KRT7: variants seen among roughly 807,000 people sequenced by gnomAD.
KRT7 encodes keratin 7, also known as keratin, type II cytoskeletal 7.
Under a neutral mutation model 42.8 loss-of-function variants are expected in KRT7, and 50 were observed. The ratio of observed to expected loss-of-function variants is 1.17; its 90% CI spans 0.93 to 1.48. The LOEUF (loss-of-function observed/expected upper bound fraction) is 1.48, where lower values mean the gene tolerates loss of function less well. KRT7 is among the 40% of genes most tolerant of loss of function. The pLI is 0.00. For synonymous variants in KRT7, 268 were observed against 266.3 expected, an observed-to-expected ratio of 1.01 and a Z score of -0.06; for missense variants, 588 against 637.6, an observed-to-expected ratio of 0.92 and a Z score of 0.84.
intron 7 of KRT7, chr12:52,247,764 C>T (rs1170568376): frequency 1.4e-5 from 3 of 210,230 alleles, no homozygotes; most frequent in African/African-American, 6.9e-5. Flanking sequence ...CAATAGGCCA[C>T]AGACACCTTT....
intron 7 of KRT7, 51 bp from the exon 8 acceptor site, chr12:52,248,125 TC>T: frequency 1.3e-6 from 2 of 1,576,036 alleles, no homozygotes; most frequent in Non-Finnish European, 1.7e-6. Flanking sequence ...TGAGAGCGCT[TC>T]CCTCCCACGC....
chr12:52,252,030 C>A (rs1441586078), downstream of KRT7: 4 of 711,402 alleles, frequency 5.6e-6, no homozygotes, highest in African/African-American at 7.0e-5. Context: ...TACTTACAGA[C>A]ATTTACAGCA....
chr12:52,237,753 TG>T, intron 3 of KRT7, 184 bp downstream of exon 3: 2 of 477,218 alleles, frequency 4.2e-6, no homozygotes, highest in Non-Finnish European at 7.4e-6. Flanking sequence ...TGTGTGTGTG[TG>T]TGTGTGTGGT....
downstream of KRT7, among the ~76,000 whole-genome samples, chr12:52,251,542 T>C (rs760014511): frequency 6.6e-6 from 1 of 152,236 alleles, no homozygotes; most frequent in African/African-American, 2.4e-5. Flanking sequence ...AAGCTACAAA[T>C]CTGTACAGCA....
rs1942156336 is a variant in KRT7, at chr12:52,245,562, A to T, written c.1135A>T (p.Met379Leu). The T allele has an allele frequency of 6.2e-7, 1 of 1,614,050 alleles. No individual in the cohort carries two copies. Among genetic ancestry groups the T allele is most frequent in the African/African-American group, 1.3e-5 (1 of 74,962 alleles). The change falls in exon 7 of 9, where the codon ATG becomes TTG. Residue 379 changes from methionine to leucine, a missense_variant. Met to Leu is a conservative substitution (Grantham distance 15). Transcript: ENST00000331817. Reference sequence around the variant, plus strand: ...GCAGCTGCGTGAGTACCAGGAACTCATGAGCGTGAAGCTGGCCCTGGACAT... The same window carrying T: ...GCAGCTGCGTGAGTACCAGGAACTCTTGAGCGTGAAGCTGGCCCTGGACAT... ...ARQLREYQELMSVKLALDIEI... is the reference protein window; with the variant it reads ...ARQLREYQELLSVKLALDIEI...
chr12:52,248,948 G>T (rs1332214253), downstream of KRT7: 2 of 501,416 alleles, frequency 4.0e-6, no homozygotes, highest in African/African-American at 4.0e-5. Context: ...GCTTCATGAG[G>T]CTGGGCAGGG....
At chr12:52,245,196 T>C in intron 6 of KRT7, 2 of 588,720 alleles carry the variant, frequency 3.4e-6, no homozygotes, top group Non-Finnish European at 6.0e-6. Context: ...GATTCATCCA[T>C]GGTCACACAG....
At chr12:52,254,180 C>T, downstream of KRT7, 1 of 549,270 alleles carries the variant, frequency 1.8e-6, no homozygotes, top group Non-Finnish European at 3.5e-6. Context: ...CCTTGTCCCA[C>T]CATAGGGTCA....
Position 52,233,540 on chromosome 12 carries a change from C to T in KRT7, c.244C>T (p.Pro82Ser). Residue 82 changes from proline (P) to serine (S), a missense_variant, in exon 1 of 9, where the codon CCC becomes TCC. Coordinates refer to ENST00000331817, the MANE Select transcript of KRT7 (RefSeq NM_005556.4). ...LLAPLRLDAD[P>S]SLQRVRQEES... ...GGCCCCGCTGCGGCTGGACGCCGAC[C>T]CCTCCCTCCAGCGGGTGCGCCAGGA... 1 of 1,613,316 alleles carries T rather than the reference C, an allele frequency of 6.2e-7. No homozygotes were observed. The highest frequency in any genetic ancestry group is 8.5e-7 in the Non-Finnish European group (1 of 1,179,846).
intron 7 of KRT7, 144 bp from the exon 8 acceptor site, chr12:52,248,033 T>C (rs1942202228): frequency 3.8e-6 from 3 of 785,418 alleles, no homozygotes; most frequent in Non-Finnish European, 6.4e-6. Flanking sequence ...TCGCTCCTTT[T>C]ACAAGGCTGA....
chr12:52,253,561 A>T (rs942656752), downstream of KRT7: 5 of 1,602,286 alleles, frequency 3.1e-6, no homozygotes, highest in Non-Finnish European at 4.3e-6. Flanking sequence ...GCATCCCTCC[A>T]ACTGCCATGT....
intron 3 of KRT7, 94 bp downstream of exon 3, chr12:52,237,663 T>TG: frequency 9.6e-7 from 1 of 1,041,526 alleles, no homozygotes; most frequent in Non-Finnish European, 1.4e-6. Context: ...TGGGGACCTC[T>TG]GGCCAAGGCC....
At chr12:52,246,730 A>G (rs1942178627) in intron 7 of KRT7, among the ~76,000 whole-genome samples, 1 of 152,192 alleles carries the variant, frequency 6.6e-6, no homozygotes, top group South Asian at 2.1e-4. Flanking sequence ...ACAGAAGCTG[A>G]TCTGGGCACA....
rs769784859 is a variant in KRT7 at position 52,233,355 on chromosome 12, G to A, written c.59G>A (p.Arg20His). The part of the protein sequence containing the change: ...FTSRSAAFSG[R>H]GAQVRLSSAR... Reference sequence around the variant, plus strand: ...TCGCGCTCAGCCGCCTTCTCGGGCCGCGGCGCCCAGGTGCGCCTGAGCTCC... The same window carrying A: ...TCGCGCTCAGCCGCCTTCTCGGGCCACGGCGCCCAGGTGCGCCTGAGCTCC... The change falls in exon 1 of 9, where the codon CGC becomes CAC. Residue 20 changes from arginine to histidine, a missense_variant. Physicochemically the swap from Arg to His is conservative, Grantham distance 29. Coordinates refer to ENST00000331817, the MANE Select transcript of KRT7 (RefSeq NM_005556.4). 2.7e-5 allele frequency: 43 copies of A among 1,571,542 alleles called. No homozygotes were observed. Among genetic ancestry groups the A allele is most frequent in the Non-Finnish European group, 3.3e-5 (38 of 1,164,240 alleles).
At chr12:52,253,624 C>T (rs1466505549), downstream of KRT7, 3 of 1,565,802 alleles carry the variant, frequency 1.9e-6, no homozygotes, top group African/African-American at 2.7e-5. Flanking sequence ...CAGGACTCGG[C>T]CTCGGCCCGG....
chr12:52,255,551 C>T, downstream of KRT7: 2 of 405,290 alleles, frequency 4.9e-6, no homozygotes, highest in Admixed American at 5.5e-5. Flanking sequence ...GGAACTTGTC[C>T]ATCCCTTTCT....
intron 6 of KRT7, chr12:52,244,727 AG>A: frequency 1.2e-6 from 1 of 804,956 alleles, no homozygotes; most frequent in South Asian, 5.7e-5. Flanking sequence ...CCTAAAGCAG[AG>A]GGCACTCTAA....
chr12:52,234,425 C>T (rs1941980268), intron 1 of KRT7, among the ~76,000 whole-genome samples: 1 of 152,180 alleles, frequency 6.6e-6, no homozygotes, highest in African/African-American at 2.4e-5. Context: ...CCAGGGCCCC[C>T]TTCCTCAGCT....
At chr12:52,250,480 CGGAGCGGCCG>C, downstream of KRT7, 3 of 632,796 alleles carry the variant, frequency 4.7e-6, no homozygotes, top group Middle Eastern at 4.3e-4. Context: ...GCGAAGCGCA[CGGAGCGGCCG>C]CTGCCGCTGC....
Sources: allele counts gnomAD v4.1 joint callset (sites outside exome capture counted in the v4.1 genomes callset), GRCh38; gene constraint gnomAD v4.1.1; transcripts MANE v1.5; gene names NCBI Gene and HGNC (gene_info 2026-07-23, HGNC 2026-07-21).